The following HMGB1 variants were observed in gnomAD, a reference collection of about 807,000 sequenced individuals.
HMGB1 encodes high mobility group protein B1.
For missense variants in HMGB1, 79 were observed against 253.5 expected (o/e 0.31, Z 4.67); for synonymous variants, 81 against 84.0 (o/e 0.96, Z 0.19).
intron 1 of HMGB1, among the ~76,000 whole-genome samples, chr13:30,504,613 G>A (rs1887808931): frequency 6.6e-6 from 1 of 152,164 alleles, no homozygotes; most frequent in Non-Finnish European, 1.5e-5. Flanking sequence ...AGCTGCAGTG[G>A]AAAGAAAAGC....
In HMGB1 at chr13:30,524,860, C is replaced by T. The variant is rs1888329542; in HGVS notation, c.-14-61166G>A. ...GATTTGGTCACATTGTATTTCACCA[C>T]AGGCCCCTCCTAAGATTTATTTCTT... On this transcript the variant is annotated intron_variant, in intron 1 of 4. Coordinates refer to the HMGB1 transcript ENST00000405805. 3.3e-5 allele frequency among the ~76,000 whole-genome samples: 5 copies of T among 152,180 alleles called. No homozygotes were observed. In the South Asian group the frequency reaches 1.0e-3, roughly 31 times the overall value.
At chr13:30,550,909 C>T (rs944428372) in intron 1 of HMGB1, among the ~76,000 whole-genome samples, 5 of 152,190 alleles carry the variant, frequency 3.3e-5, no homozygotes, top group African/African-American at 1.2e-4. Context: ...ATTCTAAACA[C>T]ATCTGATAGA....
chr13:30,560,502 A>G (rs887759558), intron 1 of HMGB1, among the ~76,000 whole-genome samples: 4 of 152,208 alleles, frequency 2.6e-5, no homozygotes, highest in Admixed American at 6.5e-5. Flanking sequence ...GGTTAGGAGA[A>G]TTAGGTCAGT....
intron 1 of HMGB1, among the ~76,000 whole-genome samples, chr13:30,533,546 G>A (rs1261838762): frequency 1.3e-5 from 2 of 151,758 alleles, no homozygotes; most frequent in East Asian, 3.9e-4. Flanking sequence ...TGTATTTTTA[G>A]TGGAGACGGG....
intron 1 of HMGB1, 130 bp from the exon 2 acceptor site, chr13:30,463,824 A>T (rs963966207): frequency 1.6e-6 from 1 of 625,428 alleles, no homozygotes; most frequent in Non-Finnish European, 2.6e-6. Context: ...CCTCCGTAAA[A>T]TCAGACAAGA....
At chr13:30,600,378 A>C (rs1041097902) in intron 1 of HMGB1, among the ~76,000 whole-genome samples, 58 of 152,168 alleles carry the variant, frequency 3.8e-4, no homozygotes, top group African/African-American at 1.4e-3. Flanking sequence ...ATTCTGGTGT[A>C]GGTCATTCAA....
At chr13:30,611,158 C>T (rs978307918) in intron 1 of HMGB1, among the ~76,000 whole-genome samples, 2 of 152,092 alleles carry the variant, frequency 1.3e-5, no homozygotes, top group Non-Finnish European at 2.9e-5. Context: ...AAAAAGATTG[C>T]TTTGTAACAA....
intron 1 of HMGB1, among the ~76,000 whole-genome samples, chr13:30,533,417 T>C (rs1411124412): frequency 6.6e-6 from 1 of 152,192 alleles, no homozygotes; most frequent in Non-Finnish European, 1.5e-5. Flanking sequence ...CAGGCCAGAG[T>C]GCAGAGGTGT....
rs1356201662 is a variant in HMGB1 at position 30,456,780 on chromosome 13, G to GGGGGGGGGA, written c.*4576_*4577insTCCCCCCCC. 1 of 120,400 alleles carries GGGGGGGGGA rather than the reference G, an allele frequency of 8.3e-6. No individual in the cohort carries two copies. The highest frequency in any genetic ancestry group is 4.1e-5 in the African/African-American group (1 of 24,568). 7.5% of individuals were successfully genotyped at this position (120,400 alleles called of 1,614,324 possible). On this transcript the variant is annotated 3_prime_UTR_variant, in exon 5 of 5. Transcript: ENST00000341423. ...GTGGGCGGGGGGGGGGGGTGGTGGG[G>GGGGGGGGGA]TGCAATTTATCAACATCTTCCAAAA...
intron 1 of HMGB1, among the ~76,000 whole-genome samples, chr13:30,494,387 G>A (rs1887565078): frequency 6.6e-6 from 1 of 151,534 alleles, no homozygotes; most frequent in Admixed American, 6.6e-5. Flanking sequence ...TTGAGATGGA[G>A]TTTCGCTCTT....
At chr13:30,530,251 G>C (rs1420599847) in intron 1 of HMGB1, among the ~76,000 whole-genome samples, 2 of 152,164 alleles carry the variant, frequency 1.3e-5, no homozygotes, top group African/African-American at 4.8e-5. Context: ...CCTGTATAGA[G>C]TGTATATGAA....
chr13:30,575,101 T>C (rs1279896936), intron 1 of HMGB1, among the ~76,000 whole-genome samples: 2 of 152,226 alleles, frequency 1.3e-5, no homozygotes, highest in Non-Finnish European at 2.9e-5. Context: ...TTATTTTAAG[T>C]GTCAGCGTAT....
At chr13:30,605,346 T>C (rs1950447152) in intron 1 of HMGB1, among the ~76,000 whole-genome samples, 1 of 152,140 alleles carries the variant, frequency 6.6e-6, no homozygotes, top group South Asian at 2.1e-4. Flanking sequence ...TAAGGTGATT[T>C]AGGAACTAAA....
intron 1 of HMGB1, among the ~76,000 whole-genome samples, chr13:30,568,929 C>T (rs1870308633): frequency 6.6e-6 from 1 of 152,186 alleles, no homozygotes; most frequent in East Asian, 1.9e-4. Context: ...ATAACCCCAG[C>T]ACTTTGGGAG....
At chr13:30,468,224 G>A (rs942187306), upstream of HMGB1, among the ~76,000 whole-genome samples, 1 of 152,140 alleles carries the variant, frequency 6.6e-6, no homozygotes, top group Non-Finnish European at 1.5e-5. Context: ...TGAAGGCAGT[G>A]ATTGCAAATC....
upstream of HMGB1, among the ~76,000 whole-genome samples, chr13:30,470,753 A>G (rs1886902013): frequency 6.6e-6 from 1 of 151,620 alleles, no homozygotes. Flanking sequence ...GGTTCAAGTG[A>G]TTCTCCTGCC....
chr13:30,485,007 A>G (rs1429163484), intron 1 of HMGB1, among the ~76,000 whole-genome samples: 1 of 150,838 alleles, frequency 6.6e-6, no homozygotes, highest in Admixed American at 6.7e-5. Context: ...GAAGCATTTC[A>G]TGGAAAACAT....
At chr13:30,521,890 G>A (rs1455517318) in intron 1 of HMGB1, among the ~76,000 whole-genome samples, 5 of 152,132 alleles carry the variant, frequency 3.3e-5, no homozygotes, top group Non-Finnish European at 7.3e-5. Context: ...GTTATTATCT[G>A]TTTTTGTGAT....
intron 1 of HMGB1, among the ~76,000 whole-genome samples, chr13:30,522,438 T>A (rs1888260964): frequency 6.6e-6 from 1 of 151,948 alleles, no homozygotes; most frequent in South Asian, 2.1e-4. Context: ...ACCATTGCCT[T>A]TTTACCCCTC....
Sources: gnomAD v4.1 joint callset for allele counts (sites outside exome capture counted in the v4.1 genomes callset) on GRCh38, gnomAD v4.1.1 for gene constraint, MANE v1.5 for transcripts, NCBI Gene and HGNC (gene_info 2026-07-23, HGNC 2026-07-21) for gene names.